The following PHLPP1 variants were observed in gnomAD, a reference collection of about 807,000 sequenced individuals.
PHLPP1 encodes PH domain and leucine rich repeat protein phosphatase 1.
A neutral mutation model predicts 117.2 loss-of-function variants in PHLPP1; 42 were observed. The observed-to-expected ratio is 0.36, with a 90% CI of 0.28 to 0.46. The LOEUF (loss-of-function observed/expected upper bound fraction) is 0.46, where lower values mean the gene tolerates loss of function less well. Ranked by LOEUF, PHLPP1 falls within the 20% of genes least tolerant of loss-of-function variation. The pLI is 1.00. For missense variants in PHLPP1, 2,084 were observed against 2,241.9 expected, an observed-to-expected ratio of 0.93 and a Z score of 1.42; for synonymous variants, 1,042 against 970.7, an observed-to-expected ratio of 1.07 and a Z score of -1.37.
At chr18:62,975,667 G>A in intron 16 of PHLPP1, 42 bp downstream of exon 16, 1 of 1,330,858 alleles carries the variant, frequency 7.5e-7, no homozygotes, top group South Asian at 1.2e-5. Flanking sequence ...GGAGAGGAGA[G>A]GAGAGGAGAC....
At position 62,979,320 on chromosome 18, in the gene PHLPP1, C is replaced by A; in HGVS notation, c.5043C>A (p.His1681Gln). 1 of 1,552,968 alleles carries A rather than the reference C, an allele frequency of 6.4e-7. No individual in the cohort carries two copies. The highest frequency in any genetic ancestry group is 8.7e-7 in the Non-Finnish European group (1 of 1,147,560). The change falls in exon 17 of 17, where the codon CAC becomes CAA. Residue 1681 changes from histidine (H) to glutamine (Q), a missense_variant. His to Gln is a conservative substitution (Grantham distance 24). This residue lies in a region of PHLPP1 where 1,365 missense variants were observed against 1,605.9 expected (regional missense o/e 0.85). Coordinates refer to ENST00000262719, the MANE Select transcript of PHLPP1 (RefSeq NM_194449.4). The stretch of plus-strand genomic sequence containing the variant: ...AGGTCAAAGAAATCATGAAGCATCA[C>A]CAGGAGCAACAGCAGCAGCAGCAGC... ...EEEVKEIMKH[H>Q]QEQQQQQQPP... is the part of the protein sequence containing the mutation.
chr18:62,882,690 T>C (rs1356742532), intron 4 of PHLPP1, among the ~76,000 whole-genome samples: 2 of 152,202 alleles, frequency 1.3e-5, no homozygotes, highest in Non-Finnish European at 2.9e-5. Context: ...TTTAATGGTC[T>C]CAAAACCACA....
Position 62,945,111 on chromosome 18 carries a change from A to C in PHLPP1, c.3164A>C (p.Lys1055Thr), listed in dbSNP as rs780119363. Reference protein sequence around the residue: ...YNRLQSFPASKMAKLEELEEI... With the variant: ...YNRLQSFPASTMAKLEELEEI... The stretch of plus-strand genomic sequence containing the variant: ...TGCTTTATTTTCTCTTTTTTTAGTA[A>C]AATGGCGAAACTGGAGGAACTTGAA... The change falls in exon 12 of 17, where the codon AAA (lysine) becomes ACA (threonine). Residue 1055 changes from lysine to threonine, a missense_variant and splice_region_variant. Lys to Thr is a moderately conservative substitution (Grantham distance 78, BLOSUM62 -1). Transcript: ENST00000262719. The C allele has an allele frequency of 3.2e-6, 5 of 1,575,718 alleles. No homozygotes were observed. Among genetic ancestry groups the C allele is most frequent in the Non-Finnish European group, 4.3e-6 (5 of 1,166,012 alleles).
intron 14 of PHLPP1, among the ~76,000 whole-genome samples, chr18:62,967,294 G>A (rs550110768): frequency 6.6e-6 from 1 of 152,292 alleles, no homozygotes; most frequent in Admixed American, 6.5e-5. Context: ...TATGGTAAGT[G>A]TATATTTACT....
At chr18:62,875,397 T>G (rs147801332) in intron 4 of PHLPP1, among the ~76,000 whole-genome samples, 39 of 152,340 alleles carry the variant, frequency 2.6e-4, no homozygotes, top group African/African-American at 9.4e-4. Flanking sequence ...CCCCTGACAG[T>G]TTTATAAAAT....
intron 12 of PHLPP1, among the ~76,000 whole-genome samples, chr18:62,947,026 C>T (rs1910313583): frequency 6.6e-6 from 1 of 152,208 alleles, no homozygotes; most frequent in Non-Finnish European, 1.5e-5. Context: ...GCGCTCCAGC[C>T]TGGGCAACAG....
intron 4 of PHLPP1, among the ~76,000 whole-genome samples, chr18:62,866,249 G>GTT (rs570308646): frequency 7.1e-5 from 10 of 141,116 alleles, no homozygotes; most frequent in African/African-American, 1.0e-4. Flanking sequence ...TGTGTTTTTT[G>GTT]TTTTTTTTTT....
intron 1 of PHLPP1, among the ~76,000 whole-genome samples, chr18:62,779,978 C>T (rs1290587446): frequency 6.6e-6 from 1 of 152,118 alleles, no homozygotes; most frequent in African/African-American, 2.4e-5. Context: ...TATTTTGGCC[C>T]TCAGTTCCCT....
chr18:62,957,398 G>A (rs919662608), intron 12 of PHLPP1, among the ~76,000 whole-genome samples: 25 of 151,384 alleles, frequency 1.7e-4, no homozygotes, highest in Admixed American at 1.3e-3. Flanking sequence ...GGGAGGACCT[G>A]TTGGAGAGTC....
At chr18:62,963,335 T>C in intron 13 of PHLPP1, 33 bp from the exon 14 acceptor site, 1 of 1,463,980 alleles carries the variant, frequency 6.8e-7, no homozygotes, top group Non-Finnish European at 9.5e-7. Flanking sequence ...TTGGTTTTAA[T>C]GATTCCTGTT....
intron 1 of PHLPP1, among the ~76,000 whole-genome samples, chr18:62,820,315 A>C (rs1275328526): frequency 6.6e-6 from 1 of 152,228 alleles, no homozygotes; most frequent in Admixed American, 6.5e-5. Context: ...AAAATATAGA[A>C]GACTTGACTA....
At chr18:62,902,117 C>T (rs554393232) in intron 6 of PHLPP1, among the ~76,000 whole-genome samples, 4 of 152,166 alleles carry the variant, frequency 2.6e-5, no homozygotes, top group Admixed American at 2.0e-4. Context: ...TTCCTAGTCC[C>T]CATTACTACT....
At chr18:62,874,368 G>C (rs901384249) in intron 4 of PHLPP1, among the ~76,000 whole-genome samples, 1 of 151,852 alleles carries the variant, frequency 6.6e-6, no homozygotes, top group Admixed American at 6.6e-5. Flanking sequence ...ACTTAGCCGG[G>C]CATGGTGGTG....
chr18:62,953,241 T>C lies in PHLPP1; in HGVS notation c.3325-5388T>C, dbSNP rs191781440. Among the ~76,000 whole-genome samples, 832 of 152,338 alleles carry C rather than the reference T, an allele frequency of 5.5e-3. 35 individuals carry two copies. Among genetic ancestry groups the C allele is most frequent in the Admixed American group, 0.043 (660 of 15,296 alleles). ...CTACTTCTGTATGAGACACGATCTA[T>C]AGGATCCACAGTTCATTATCTGATC... On this transcript the variant is annotated intron_variant, in intron 12 of 16. Transcript: ENST00000262719.
At chr18:62,813,405 G>A (rs1962190853) in intron 1 of PHLPP1, among the ~76,000 whole-genome samples, 1 of 152,174 alleles carries the variant, frequency 6.6e-6, no homozygotes, top group African/African-American at 2.4e-5. Context: ...ACTGAATCTA[G>A]TTCCTTTTGA....
intron 1 of PHLPP1, among the ~76,000 whole-genome samples, chr18:62,815,358 C>T (rs931091428): frequency 2.0e-5 from 3 of 151,966 alleles, no homozygotes; most frequent in Admixed American, 1.3e-4. Context: ...GGGGTTTCAC[C>T]GTGTTAGCCA....
At chr18:62,818,673 G>A (rs1914359960) in intron 1 of PHLPP1, among the ~76,000 whole-genome samples, 1 of 152,196 alleles carries the variant, frequency 6.6e-6, no homozygotes, top group South Asian at 2.1e-4. Context: ...TGGAAATCTG[G>A]ATCTACATAA....
intron 3 of PHLPP1, 85 bp downstream of exon 3, chr18:62,838,994 G>T (rs1356514313): frequency 5.6e-6 from 8 of 1,427,390 alleles, no homozygotes; most frequent in African/African-American, 4.3e-5. Context: ...CTAAAATATG[G>T]TTAGTTACAC....
chr18:62,747,821 A>AT (rs892471161), intron 1 of PHLPP1, among the ~76,000 whole-genome samples: 8 of 151,732 alleles, frequency 5.3e-5, no homozygotes, highest in Non-Finnish European at 8.8e-5. Flanking sequence ...TACCTGGCTG[A>AT]TTTTTTTTCT....
Sources: gnomAD v4.1 joint callset for allele counts (sites outside exome capture counted in the v4.1 genomes callset) on GRCh38, gnomAD v4.1.1 for gene constraint, gnomAD v4.1.1 regional missense constraint, MANE v1.5 for transcripts, NCBI Gene and HGNC (gene_info 2026-07-23, HGNC 2026-07-21) for gene names.